PCDHGB1: variants seen among roughly 807,000 people sequenced by gnomAD.
The protein encoded by PCDHGB1 is protocadherin gamma-B1.
PCDHGB1 carries 34 observed loss-of-function variants against 56.6 expected under a neutral mutation model. That is an observed-to-expected ratio of 0.60 (90% confidence interval 0.46 to 0.80). The LOEUF is 0.80. Ranked by LOEUF, PCDHGB1 falls within the 30% of genes least tolerant of loss-of-function variation. The pLI is 0.00. For missense variants in PCDHGB1, 1,278 were observed against 1,204.6 expected, an observed-to-expected ratio of 1.06 and a Z score of -0.90; for synonymous variants, 561 against 505.9, an observed-to-expected ratio of 1.11 and a Z score of -1.46.
chr5:141,376,559 C>G (rs758448085), intron 1 of PCDHGB1: 8 of 1,609,380 alleles, frequency 5.0e-6, no homozygotes, highest in Admixed American at 3.4e-5. Context: ...TCCCGCAACC[C>G]AACTAATCAG....
rs888556794 is a variant in PCDHGB1 at position 141,493,414 on chromosome 5, A to T, written c.2410-1393A>T. Among the ~76,000 whole-genome samples, 2 of 152,058 alleles carry T rather than the reference A, an allele frequency of 1.3e-5. No individual in the cohort carries two copies. Among genetic ancestry groups the T allele is most frequent in the Admixed American group, 6.6e-5 (1 of 15,248 alleles). ...GGAGAGGGGAGTTGCCTCTGCTGGG[A>T]TTTTGCTTCTGCTGGGATGGGGCAA... On this transcript the variant is annotated intron_variant, in intron 1 of 3. Coordinates refer to ENST00000523390, the MANE Select transcript of PCDHGB1 (RefSeq NM_018922.3). The surrounding 1 kb of genome is among the most constrained non-coding windows in gnomAD (Gnocchi z 4.3).
At chr5:141,387,911 C>G (rs2091149943) in intron 1 of PCDHGB1, 8 of 1,495,982 alleles carry the variant, frequency 5.3e-6, no homozygotes, top group Non-Finnish European at 7.1e-6. Flanking sequence ...GGGAGCTGGG[C>G]CGGGCTGAGA....
intron 1 of PCDHGB1, among the ~76,000 whole-genome samples, chr5:141,446,802 G>T (rs2098516342): frequency 6.6e-6 from 1 of 152,130 alleles, no homozygotes; most frequent in South Asian, 2.1e-4. Flanking sequence ...CTTCCATTGT[G>T]ATCATCTAGT....
intron 1 of PCDHGB1, chr5:141,391,145 G>A (rs1212141265): frequency 6.6e-6 from 1 of 152,000 alleles, no homozygotes; most frequent in African/African-American, 2.4e-5. Flanking sequence ...CTACCTCTAG[G>A]AAAGAAATAT....
At chr5:141,507,171 C>T (rs183042063) in intron 3 of PCDHGB1, 3 of 152,462 alleles carry the variant, frequency 2.0e-5, no homozygotes, top group South Asian at 2.1e-4. Context: ...AGGCTGTCCT[C>T]TTCCTCGAGC....
Position 141,491,454 on chromosome 5 carries a change from C to T in PCDHGB1, c.2410-3353C>T. The T allele has an allele frequency of 1.9e-6, 3 of 1,614,120 alleles. No individual in the cohort carries two copies. The highest frequency in any genetic ancestry group is 2.5e-6 in the Non-Finnish European group (3 of 1,180,032). On this transcript the variant is annotated intron_variant, in intron 1 of 3. Coordinates refer to ENST00000523390, the MANE Select transcript of PCDHGB1 (RefSeq NM_018922.3). This position sits in a 1 kb window ranked among gnomAD's most constrained non-coding sequence, Gnocchi z 6.9. ...GCTGCAGGCGCCAGGACTCACCCTCCCCGGACTTCTATAAGCAGTCCAGCC... is the reference window on the plus strand; with the variant it reads ...GCTGCAGGCGCCAGGACTCACCCTCTCCGGACTTCTATAAGCAGTCCAGCC...
intron 1 of PCDHGB1, chr5:141,370,178 C>G (rs1214381916): frequency 2.2e-5 from 10 of 463,756 alleles, no homozygotes; most frequent in Non-Finnish European, 2.6e-5. Context: ...CGCCGGGTGC[C>G]GCTCTTGGCT....
intron 1 of PCDHGB1, chr5:141,415,759 T>TTG (rs2095938229): frequency 3.7e-6 from 5 of 1,352,054 alleles, no homozygotes; most frequent in Non-Finnish European, 4.8e-6. Flanking sequence ...TTTTTTTTTT[T>TTG]TTTTTTTTTT....
rs768079276 is a variant in PCDHGB1, at chr5:141,490,997, G to A, written c.2410-3810G>A. On this transcript the variant is annotated intron_variant, in intron 1 of 3. Transcript: ENST00000523390. The surrounding 1 kb of genome is among the most constrained non-coding windows in gnomAD (Gnocchi z 5.4). ...CGTCTCCCTCGCTCTGCTCCTCCTG[G>A]CTCCTTGGTCACCAAGGTGACAGCC... 1.2e-6 allele frequency: 2 copies of A among 1,614,032 alleles called. No individual in the cohort carries two copies. Among genetic ancestry groups the A allele is most frequent in the Admixed American group, 1.7e-5 (1 of 60,030 alleles).
intron 2 of PCDHGB1, among the ~76,000 whole-genome samples, chr5:141,501,136 G>A (rs909142955): frequency 6.6e-6 from 1 of 152,090 alleles, no homozygotes; most frequent in Non-Finnish European, 1.5e-5. Context: ...CTAAGTGCTG[G>A]GATTACAGGT....
At chr5:141,419,533 C>T in intron 1 of PCDHGB1, 1 of 1,612,106 alleles carries the variant, frequency 6.2e-7, no homozygotes, top group Non-Finnish European at 8.5e-7. Context: ...GTAACGACAA[C>T]GCACCGCGGG....
At chr5:141,387,435 A>G (rs988959651) in intron 1 of PCDHGB1, among the ~76,000 whole-genome samples, 1 of 152,240 alleles carries the variant, frequency 6.6e-6, no homozygotes, top group African/African-American at 2.4e-5. Flanking sequence ...ATGTTTATGT[A>G]CTTAATCTAC....
intron 1 of PCDHGB1, chr5:141,362,349 G>A (rs765171901): frequency 1.2e-6 from 2 of 1,613,918 alleles, no homozygotes; most frequent in Admixed American, 1.7e-5. Flanking sequence ...CTGGACCTGG[G>A]GTTCTCCCCA....
Position 141,432,331 on chromosome 5 carries a change from G to A in PCDHGB1, c.2410-62476G>A, listed in dbSNP as rs763952193. Reference sequence around the variant, plus strand: ...CGCTGAGCTCCTTCGACTACGAGCAGTTCCGAGACTTGCAAGTGAAAGTGA... The same window carrying A: ...CGCTGAGCTCCTTCGACTACGAGCAATTCCGAGACTTGCAAGTGAAAGTGA... On this transcript the variant is annotated intron_variant, in intron 1 of 3. Transcript: ENST00000523390. The surrounding 1 kb of genome is among the most constrained non-coding windows in gnomAD (Gnocchi z 6.0). The A allele has an allele frequency of 1.2e-6, 2 of 1,614,278 alleles. No individual in the cohort carries two copies. Among genetic ancestry groups the A allele is most frequent in the East Asian group, 2.2e-5 (1 of 44,888 alleles).
intron 1 of PCDHGB1, among the ~76,000 whole-genome samples, chr5:141,447,787 T>C (rs1025269338): frequency 1.3e-5 from 2 of 152,106 alleles, no homozygotes; most frequent in Non-Finnish European, 2.9e-5. Context: ...TGAAAATAAA[T>C]TTAAGAAAAT....
intron 1 of PCDHGB1, chr5:141,423,755 G>T (rs1236551808): frequency 9.8e-6 from 5 of 512,508 alleles, no homozygotes; most frequent in Non-Finnish European, 1.3e-5. Flanking sequence ...CTGTTTGGGG[G>T]GGGGGTGGGG....
At chr5:141,419,405 G>T (rs1219399978) in intron 1 of PCDHGB1, 1 of 1,613,512 alleles carries the variant, frequency 6.2e-7, no homozygotes, top group South Asian at 1.1e-5. Context: ...GGTGGTGTTC[G>T]CGCAGCGCGC....
intron 1 of PCDHGB1, chr5:141,391,548 C>T (rs1045663791): frequency 6.6e-6 from 1 of 152,106 alleles, no homozygotes; most frequent in African/African-American, 2.4e-5. Flanking sequence ...ATTGTCTACC[C>T]AGTTTTCCAT....
At chr5:141,400,511 C>G (rs1456963604) in intron 1 of PCDHGB1, 1 of 1,613,824 alleles carries the variant, frequency 6.2e-7, no homozygotes, top group African/African-American at 1.3e-5. Context: ...GAGTCGACTT[C>G]CCATCCTGAG....
Sources: allele counts gnomAD v4.1 joint callset (sites outside exome capture counted in the v4.1 genomes callset), GRCh38; gene constraint gnomAD v4.1.1; non-coding constraint Gnocchi (gnomAD v3.1); transcripts MANE v1.5; gene names NCBI Gene and HGNC (gene_info 2026-07-23, HGNC 2026-07-21).